The following DPY19L1 variants were observed in gnomAD, a reference collection of about 807,000 sequenced individuals.
DPY19L1 encodes the protein dpy-19 like C-mannosyltransferase 1.
Under a neutral mutation model 96.9 loss-of-function variants are expected in DPY19L1, and 35 were observed. The ratio of observed to expected loss-of-function variants is 0.36; its 90% CI spans 0.28 to 0.48. DPY19L1 has a LOEUF of 0.48. Among genes scored for constraint, DPY19L1 ranks in the 20% least tolerant of loss-of-function variants. The pLI is 0.99. For missense variants in DPY19L1, 521 were observed against 777.9 expected, an observed-to-expected ratio of 0.67 and a Z score of 3.93; for synonymous variants, 205 against 252.6, an observed-to-expected ratio of 0.81 and a Z score of 1.79.
At chr7:34,936,591 T>C (rs1251843840) in intron 21 of DPY19L1, among the ~76,000 whole-genome samples, 1 of 152,164 alleles carries the variant, frequency 6.6e-6, no homozygotes, top group Non-Finnish European at 1.5e-5. Flanking sequence ...AAGATCGTCA[T>C]GAGATGCTTA....
intron 2 of DPY19L1, 51 bp downstream of exon 2, chr7:35,018,521 C>G (rs745576638): frequency 2.0e-6 from 3 of 1,514,478 alleles, no homozygotes; most frequent in Non-Finnish European, 2.7e-6. Context: ...ATAGCTTTAG[C>G]AAGTTATAAA....
rs1784683889 is a variant in DPY19L1, at chr7:34,969,632, G to T, written c.915-100C>A. 1.1e-5 allele frequency: 6 copies of T among 538,404 alleles called. No homozygotes were observed. The South Asian group carries it at 3.7e-4, about 33-fold the overall frequency. 33.4% of individuals were successfully genotyped at this position (538,404 alleles called of 1,614,324 possible). ...AGAATCTCGAAATATATATGATCTG[G>T]TTATAACACAACCTAAACATAAAAT... On this transcript the variant is annotated intron_variant, in intron 8 of 21. Coordinates refer to ENST00000638088, the MANE Select transcript of DPY19L1 (RefSeq NM_001366673.1).
intron 1 of DPY19L1, among the ~76,000 whole-genome samples, chr7:35,022,592 G>GT (rs1562830193): frequency 1.3e-5 from 2 of 152,294 alleles, no homozygotes; most frequent in Non-Finnish European, 2.9e-5. Flanking sequence ...AAAACAGATT[G>GT]TAACTCCCTG....
At chr7:34,954,504 G>T (rs1784336212) in intron 13 of DPY19L1, 194 bp downstream of exon 13, 1 of 356,026 alleles carries the variant, frequency 2.8e-6, no homozygotes, top group Admixed American at 4.8e-5. Flanking sequence ...TAAAAAAAGA[G>T]ATTAAGAAAC....
chr7:34,978,144 A>G (rs1038711304), intron 7 of DPY19L1, among the ~76,000 whole-genome samples: 14 of 152,272 alleles, frequency 9.2e-5, no homozygotes, highest in African/African-American at 3.4e-4. Flanking sequence ...TATCTTCATA[A>G]CTTCAAAATA....
chr7:34,940,309 A>G lies in DPY19L1; in HGVS notation c.1708T>C (p.Cys570Arg). 3.7e-6 allele frequency: 6 copies of G among 1,607,976 alleles called. No homozygotes were observed. The highest frequency in any genetic ancestry group is 4.2e-6 in the Non-Finnish European group (5 of 1,178,712). The change falls in exon 19 of 22, where the codon TGC becomes CGC. Residue 570 changes from cysteine (C) to arginine (R), a missense_variant. Coordinates refer to ENST00000638088, the MANE Select transcript of DPY19L1 (RefSeq NM_001366673.1). ...CSRQLFGWLF[C>R]KVHPGAIVFA... ...ACAATAGCACCAGGATGTACTTTGCAAAAGAGCCATCCAAATAGCTGAAAC... is the reference window on the plus strand; with the variant it reads ...ACAATAGCACCAGGATGTACTTTGCGAAAGAGCCATCCAAATAGCTGAAAC...
intron 6 of DPY19L1, among the ~76,000 whole-genome samples, chr7:35,010,240 G>C (rs1181496110): frequency 6.6e-6 from 1 of 151,804 alleles, no homozygotes. Context: ...AAAAAAAAAA[G>C]TAATTAAATT....
chr7:35,005,636 TAAAAAAA>T (rs755623073), intron 6 of DPY19L1, among the ~76,000 whole-genome samples: 23,043 of 84,504 alleles, frequency 0.27, 2,537 homozygotes, highest in Admixed American at 0.47. Flanking sequence ...CTGTCTCTAC[TAAAAAAA>T]AAAAAAAAAA....
At chr7:34,935,360 G>C (rs1469409208) in intron 21 of DPY19L1, among the ~76,000 whole-genome samples, 2 of 152,040 alleles carry the variant, frequency 1.3e-5, no homozygotes, top group African/African-American at 4.8e-5. Context: ...GTGAAAATCT[G>C]AATAATTTCC....
At chr7:34,997,592 T>C (rs1445028201) in intron 6 of DPY19L1, among the ~76,000 whole-genome samples, 5 of 122,090 alleles carry the variant, frequency 4.1e-5, no homozygotes, top group Non-Finnish European at 6.4e-5. Context: ...CCTGGGCAAC[T>C]GAGCGAGACT....
chr7:34,945,238 G>GT (rs60660460), intron 16 of DPY19L1, among the ~76,000 whole-genome samples: 3,036 of 149,016 alleles, frequency 0.02, 96 homozygotes, highest in African/African-American at 0.065. Flanking sequence ...TTAATTTTGG[G>GT]TTTTTTTTTT....
intron 1 of DPY19L1, among the ~76,000 whole-genome samples, chr7:35,027,330 T>G (rs1448686975): frequency 2.0e-5 from 3 of 152,186 alleles, no homozygotes; most frequent in Admixed American, 2.0e-4. Flanking sequence ...CTCTCCCAGG[T>G]GGACTGCACA....
At chr7:35,024,490 A>AG (rs1480989971) in intron 1 of DPY19L1, among the ~76,000 whole-genome samples, 4 of 152,048 alleles carry the variant, frequency 2.6e-5, no homozygotes, top group African/African-American at 9.7e-5. Flanking sequence ...AATCCATCCT[A>AG]GGGGGTGAAG....
intron 8 of DPY19L1, among the ~76,000 whole-genome samples, chr7:34,970,505 G>T (rs1469858162): frequency 6.6e-6 from 1 of 152,148 alleles, no homozygotes; most frequent in Non-Finnish European, 1.5e-5. Flanking sequence ...TCTATTCTGT[G>T]AAACTTTTGT....
At chr7:34,988,408 C>T (rs328910) in intron 7 of DPY19L1, among the ~76,000 whole-genome samples, 7,379 of 152,022 alleles carry the variant, frequency 0.049, 400 homozygotes, top group African/African-American at 0.13. Flanking sequence ...TGTGCAGGAT[C>T]CACAGTCAGG....
Position 35,013,421 on chromosome 7 carries a change from T to C in DPY19L1, c.549+147A>G, listed in dbSNP as rs1441877838. On this transcript the variant is annotated intron_variant, in intron 4 of 21. Transcript: ENST00000638088. ...CCTCAAAATCAGTAATGATCTTTTT[T>C]ACATATTCCTCCACAAGATACATAT... The C allele has an allele frequency of 1.0e-5, 6 of 578,176 alleles. No individual in the cohort carries two copies. In the East Asian group the frequency reaches 2.0e-4, roughly 19 times the overall value. 35.8% of individuals were successfully genotyped at this position (578,176 alleles called of 1,614,324 possible). A position where few individuals can be genotyped will look rare whatever the true frequency, so the allele number is the denominator to read the frequency against.
At chr7:35,000,848 A>T (rs1785408960) in intron 6 of DPY19L1, 3 of 152,248 alleles carry the variant, frequency 2.0e-5, no homozygotes, top group Non-Finnish European at 2.9e-5. Flanking sequence ...TTACTTTGGC[A>T]ATGAAATAAA....
intron 21 of DPY19L1, among the ~76,000 whole-genome samples, chr7:34,932,294 T>C (rs1256486880): frequency 2.0e-5 from 3 of 152,216 alleles, no homozygotes; most frequent in Non-Finnish European, 2.9e-5. Context: ...AAAATGCATT[T>C]AATACACCTA....
At chr7:35,034,191 T>C (rs1335086607) in intron 1 of DPY19L1, among the ~76,000 whole-genome samples, 1 of 152,196 alleles carries the variant, frequency 6.6e-6, no homozygotes, top group African/African-American at 2.4e-5. Flanking sequence ...ATATAGTATC[T>C]CATGTTAGTC....
Sources: gnomAD v4.1 joint callset for allele counts (sites outside exome capture counted in the v4.1 genomes callset) on GRCh38, gnomAD v4.1.1 for gene constraint, MANE v1.5 for transcripts, NCBI Gene and HGNC (gene_info 2026-07-23, HGNC 2026-07-21) for gene names.